The following PATL2 variants were observed in gnomAD, a reference collection of about 807,000 sequenced individuals.
PATL2 encodes the protein PAT1 homolog 2.
A neutral mutation model predicts 77.0 loss-of-function variants in PATL2; 73 were observed. The ratio of observed to expected loss-of-function variants is 0.95; its 90% confidence interval spans 0.78 to 1.15. PATL2 has a LOEUF of 1.15. PATL2 is among the 50% of genes most tolerant of loss of function. The probability of loss-of-function intolerance (pLI) is 0.00; values close to 1 mark genes in which losing one functional copy is unlikely to be tolerated. For synonymous variants in PATL2, 265 were observed against 257.1 expected (o/e 1.03, Z -0.29); for missense variants, 618 against 655.4 (o/e 0.94, Z 0.62).
At chr15:44,704,314 C>A (rs1351149820) in intron 3 of PATL2, among the ~76,000 whole-genome samples, 1 of 151,984 alleles carries the variant, frequency 6.6e-6, no homozygotes, top group Non-Finnish European at 1.5e-5. Context: ...CCACTCCTGG[C>A]CCCTGTTGTA....
rs965742385 is a variant in PATL2, at chr15:44,668,373, T to C, written c.1334A>G (p.Glu445Gly). The change falls in exon 15 of 18, where the codon GAG becomes GGG. Residue 445 changes from glutamate (E) to glycine (G), a missense_variant. Coordinates refer to ENST00000682850, the MANE Select transcript of PATL2 (RefSeq NM_001387263.1). ...CTGAAGCACCACGGTGACTGGCCGC[T>C]CTGAGGAGCCAGGTGGCAACAGCGT... ...GLTLLPPGSSERPVTVVLQNQ... is the reference protein window; with the variant it reads ...GLTLLPPGSSGRPVTVVLQNQ... 2 of 1,550,966 alleles carry C rather than the reference T, an allele frequency of 1.3e-6. No individual in the cohort carries two copies. The highest frequency in any genetic ancestry group is 1.7e-6 in the Non-Finnish European group (2 of 1,146,940).
At chr15:44,687,839 T>G (rs1446014439) in intron 3 of PATL2, among the ~76,000 whole-genome samples, 1 of 152,072 alleles carries the variant, frequency 6.6e-6, no homozygotes, top group Non-Finnish European at 1.5e-5. Context: ...GAATCCAACT[T>G]ACAAGTCATG....
At chr15:44,685,715 T>C in intron 3 of PATL2, among the ~76,000 whole-genome samples, 1 of 151,982 alleles carries the variant, frequency 6.6e-6, no homozygotes, top group African/African-American at 2.4e-5. Flanking sequence ...TGGAGGAATA[T>C]TTACCAAGGA....
In PATL2 at chr15:44,675,160, C is replaced by T. The variant is rs1441520184; in HGVS notation, c.222+326G>A. ...TTATGGGATCCAGGGGAATAAATACCAGGAATGGACTACTGAGACAGAGGG... is the reference window on the plus strand; with the variant it reads ...TTATGGGATCCAGGGGAATAAATACTAGGAATGGACTACTGAGACAGAGGG... On this transcript the variant is annotated intron_variant, in intron 5 of 17. Transcript: ENST00000682850. 1.1e-5 allele frequency: 3 copies of T among 265,126 alleles called. No individual in the cohort carries two copies. The Admixed American group carries it at 1.5e-4, about 13-fold the overall frequency. The allele number at this position is 265,126 out of a possible 1,614,324, so 16.4% of individuals were successfully genotyped here.
In PATL2 at chr15:44,672,063, C is replaced by A; in HGVS notation, c.609G>T (p.Met203Ile). 1 of 1,551,706 alleles carries A rather than the reference C, an allele frequency of 6.4e-7. No individual in the cohort carries two copies. The highest frequency in any genetic ancestry group is 8.7e-7 in the Non-Finnish European group (1 of 1,146,982). Residue 203 changes from methionine (M) to isoleucine (I), a missense_variant, in exon 9 of 18, where the codon ATG becomes ATT. Coordinates refer to ENST00000682850, the MANE Select transcript of PATL2 (RefSeq NM_001387263.1). ...GGGGTTTTGCACTCTGCAGCTGCAC[C>A]ATCTGCACTTTTATCACCCAGTCCT... is the stretch of plus-strand genomic sequence containing the variant. Reference protein sequence around the residue: ...KEKDWVIKVQMVQLQSAKPRL... With the variant: ...KEKDWVIKVQIVQLQSAKPRL...
At position 44,668,982 on chromosome 15, in the gene PATL2, G is replaced by T; in HGVS notation, c.1222C>A (p.Gln408Lys). The T allele has an allele frequency of 6.5e-7, 1 of 1,540,730 alleles. No homozygotes were observed. The highest frequency in any genetic ancestry group is 8.8e-7 in the Non-Finnish European group (1 of 1,140,560). The change falls in exon 14 of 18, where the codon CAG becomes AAG. Residue 408 changes from glutamine to lysine, a missense_variant and splice_region_variant. Transcript: ENST00000682850. ...TTCTCCACTCAATGCCACAGTACCT[G>T]ATCAGCCACATCCCTCCGGACCAGG... ...PLLVRRDVAD[Q>K]ALQMLFKPLG...
intron 9 of PATL2, 36 bp downstream of exon 9, chr15:44,671,979 A>G: frequency 6.5e-7 from 1 of 1,549,506 alleles, no homozygotes; most frequent in Non-Finnish European, 8.7e-7. Context: ...CATTTGACCC[A>G]AGGTCAGAGG....
chr15:44,701,945 A>G (rs1300199682), intron 3 of PATL2, among the ~76,000 whole-genome samples: 1 of 151,924 alleles, frequency 6.6e-6, no homozygotes. Context: ...TCTCTCAAGA[A>G]TGCACTCACT....
chr15:44,685,350 T>A (rs941208473), intron 3 of PATL2, among the ~76,000 whole-genome samples: 2 of 152,222 alleles, frequency 1.3e-5, no homozygotes, highest in Non-Finnish European at 2.9e-5. Flanking sequence ...GGCTCACGCC[T>A]GTAATCCCAT....
At chr15:44,670,498 G>A (rs1488603864) in intron 9 of PATL2, among the ~76,000 whole-genome samples, 6 of 152,030 alleles carry the variant, frequency 3.9e-5, no homozygotes, top group South Asian at 4.2e-4. Context: ...AGACAAGCAC[G>A]GCCTCTTAAC....
chr15:44,672,135 C>T lies in PATL2; in HGVS notation c.537G>A (p.Trp179Ter), dbSNP rs2141191263. Residue 179 changes from tryptophan (W) to a stop codon, truncating the protein, a stop_gained, in exon 9 of 18, where the codon TGG becomes TGA. Coordinates refer to ENST00000682850, the MANE Select transcript of PATL2 (RefSeq NM_001387263.1). LOFTEE classifies it high-confidence loss of function. ...TAGCATAGGGGTCTGGCTGCTGAGA[C>T]CAAGGCTTCTTGGCTGGGGGACTTT... ...QTPSPPAKKP[W>*]SQQPDPYANL... 1 of 1,551,696 alleles carries T rather than the reference C, an allele frequency of 6.4e-7. No homozygotes were observed. Among genetic ancestry groups the T allele is most frequent in the Non-Finnish European group, 8.7e-7 (1 of 1,146,988 alleles).
intron 3 of PATL2, among the ~76,000 whole-genome samples, chr15:44,681,858 A>G (rs1480381694): frequency 2.6e-5 from 4 of 152,138 alleles, no homozygotes; most frequent in Non-Finnish European, 5.9e-5. Flanking sequence ...TCTGGCCCTG[A>G]CTGTCATAGA....
intron 3 of PATL2, among the ~76,000 whole-genome samples, chr15:44,708,977 C>T (rs942420760): frequency 1.3e-5 from 2 of 152,158 alleles, no homozygotes; most frequent in African/African-American, 4.8e-5. Context: ...CGGCTCATTG[C>T]AACCTCTGCC....
chr15:44,667,085 A>T, intron 16 of PATL2, 21 bp downstream of exon 16: 1 of 1,522,752 alleles, frequency 6.6e-7, no homozygotes, highest in Non-Finnish European at 8.9e-7. Context: ...GATAGTATTT[A>T]CAAGGCCTTT....
intron 10 of PATL2, 24 bp downstream of exon 10, chr15:44,669,943 T>G (rs1379177548): frequency 6.5e-7 from 1 of 1,549,156 alleles, no homozygotes; most frequent in Non-Finnish European, 8.7e-7. Flanking sequence ...CCAGCCCAAG[T>G]CAGCAGGTCA....
In PATL2 at chr15:44,675,495, G is replaced by A; in HGVS notation, c.213C>T (p.His71=). The A allele has an allele frequency of 6.4e-7, 1 of 1,551,384 alleles. No homozygotes were observed. Among genetic ancestry groups the A allele is most frequent in the Non-Finnish European group, 8.7e-7 (1 of 1,146,744 alleles). Residue 71 remains histidine (H), a synonymous_variant, in exon 5 of 18, where the codon CAC becomes CAT. Coordinates refer to ENST00000682850, the MANE Select transcript of PATL2 (RefSeq NM_001387263.1). ...LGDPAVLGAV[H]NTQRALLSSP... is the part of the protein sequence containing the mutation. ...CCTTCTGCCATGGTACCTGGGTGTT[G>A]TGGACAGCACCAAGTACAGCTGGAT... is the stretch of plus-strand genomic sequence containing the variant.
intron 3 of PATL2, among the ~76,000 whole-genome samples, chr15:44,686,267 C>T (rs1037304868): frequency 6.6e-6 from 1 of 152,106 alleles, no homozygotes; most frequent in Non-Finnish European, 1.5e-5. Context: ...CTCAAAACTG[C>T]AAAACTACAT....
intron 3 of PATL2, among the ~76,000 whole-genome samples, chr15:44,707,455 G>T (rs1291169087): frequency 6.6e-6 from 1 of 152,060 alleles, no homozygotes; most frequent in Non-Finnish European, 1.5e-5. Context: ...GAGGAATCCT[G>T]CCAGGACTGG....
At chr15:44,684,087 C>G (rs919613514) in intron 3 of PATL2, among the ~76,000 whole-genome samples, 1 of 151,682 alleles carries the variant, frequency 6.6e-6, no homozygotes, top group African/African-American at 2.4e-5. Context: ...AAACCCCATC[C>G]GAAGGTTACC....
Sources: gnomAD v4.1 joint callset for allele counts (sites outside exome capture counted in the v4.1 genomes callset) on GRCh38, gnomAD v4.1.1 for gene constraint, MANE v1.5 for transcripts, NCBI Gene and HGNC (gene_info 2026-07-23, HGNC 2026-07-21) for gene names.